Variants in PCMTD1 observed in about 807,000 individuals in gnomAD.
The protein encoded by PCMTD1 is protein-L-isoaspartate (D-aspartate) O-methyltransferase domain containing 1.
Under a neutral mutation model 37.6 loss-of-function variants are expected in PCMTD1, and 12 were observed. The ratio of observed to expected loss-of-function variants is 0.32; its 90% CI spans 0.20 to 0.52. The LOEUF (loss-of-function observed/expected upper bound fraction) is 0.52. PCMTD1 is among the 20% of genes least tolerant of loss of function. The pLI, the probability that PCMTD1 is intolerant of heterozygous loss-of-function variation, is 0.97. For synonymous variants in PCMTD1, 117 were observed against 135.8 expected (o/e 0.86, Z 0.96); for missense variants, 235 against 421.3 (o/e 0.56, Z 3.87).
At chr8:51,881,707 T>C (rs1483363099) in intron 1 of PCMTD1, among the ~76,000 whole-genome samples, 1 of 152,218 alleles carries the variant, frequency 6.6e-6, no homozygotes, top group Non-Finnish European at 1.5e-5. Context: ...GTAGGTTTTA[T>C]TATACCCATT....
At chr8:51,895,672 G>GA (rs148744383) in intron 1 of PCMTD1, among the ~76,000 whole-genome samples, 30,797 of 151,934 alleles carry the variant, frequency 0.2, 4,952 homozygotes, top group African/African-American at 0.44. Context: ...TTCAACAGCT[G>GA]AAAAAATCTT....
In PCMTD1 at chr8:51,819,217, G is replaced by A. The variant is rs1422894776; in HGVS notation, c.*1134C>T. 1 of 151,994 alleles carries A rather than the reference G, an allele frequency of 6.6e-6. No individual in the cohort carries two copies. Among genetic ancestry groups the A allele is most frequent in the East Asian group, 1.9e-4 (1 of 5,178 alleles). The allele number at this position is 151,994 out of a possible 1,614,324, so 9.4% of individuals were successfully genotyped here. A position where few individuals can be genotyped will look rare whatever the true frequency, so the allele number is the denominator to read the frequency against. On this transcript the variant is annotated 3_prime_UTR_variant, in exon 6 of 6. Transcript: ENST00000522514. ...TATGGGAAGGAGTGAAATGAACATG[G>A]CATAGGTCCCAAAGATTACACTATG...
intron 5 of PCMTD1, among the ~76,000 whole-genome samples, chr8:51,828,850 A>G (rs916943512): frequency 6.6e-6 from 1 of 152,216 alleles, no homozygotes; most frequent in Non-Finnish European, 1.5e-5. Context: ...GAGAATACCC[A>G]GTGATACCAG....
chr8:51,883,818 AC>A lies in PCMTD1; in HGVS notation c.-96+15111del, dbSNP rs1328127947. Among the ~76,000 whole-genome samples the A allele has an allele frequency of 3.9e-5, 6 of 152,174 alleles. No individual in the cohort carries two copies. The East Asian group carries it at 1.2e-3, about 29-fold the overall frequency. ...CGTATTATGTTGTTGACATTTAAAA[AC>A]CTCATTCCAGAACTTTAAAACCATT... On this transcript the variant is annotated intron_variant, in intron 1 of 5. Coordinates refer to ENST00000522514, the MANE Select transcript of PCMTD1 (RefSeq NM_052937.4).
chr8:51,840,717 T>G (rs1013476091), intron 3 of PCMTD1, among the ~76,000 whole-genome samples: 3 of 152,118 alleles, frequency 2.0e-5, no homozygotes, highest in Admixed American at 2.0e-4. Context: ...AAAATTAGGA[T>G]AGTAGATATG....
rs1372752094 is a variant in PCMTD1, at chr8:51,826,713, TG to T, written c.706+4730del. On this transcript the variant is annotated intron_variant, in intron 5 of 5. Transcript: ENST00000522514. The stretch of plus-strand genomic sequence containing the variant: ...GTTGAACCATATAAAACTAATGATT[TG>T]GGGGTCTTTTATGACCTTCAAAAAC... 3.3e-5 allele frequency among the ~76,000 whole-genome samples: 5 copies of T among 152,112 alleles called. No individual in the cohort carries two copies. The East Asian group carries it at 9.6e-4, about 29-fold the overall frequency.
chr8:51,824,503 CTCT>C (rs2037893233), intron 5 of PCMTD1, among the ~76,000 whole-genome samples: 1 of 152,108 alleles, frequency 6.6e-6, no homozygotes, highest in Non-Finnish European at 1.5e-5. Context: ...TGTGAAGGAC[CTCT>C]TCAAGGAGAA....
intron 1 of PCMTD1, among the ~76,000 whole-genome samples, chr8:51,868,302 A>T (rs947992938): frequency 5.9e-5 from 9 of 152,164 alleles, no homozygotes; most frequent in Admixed American, 1.3e-4. Context: ...CATGGGAGCT[A>T]AAACCTTATC....
chr8:51,869,107 T>G (rs752853916), intron 1 of PCMTD1, among the ~76,000 whole-genome samples: 11 of 152,156 alleles, frequency 7.2e-5, no homozygotes, highest in Non-Finnish European at 1.3e-4. Flanking sequence ...ATAATCAATA[T>G]TAGAATTGAT....
chr8:51,880,152 A>G (rs1024868836), intron 1 of PCMTD1, among the ~76,000 whole-genome samples: 1 of 152,112 alleles, frequency 6.6e-6, no homozygotes, highest in African/African-American at 2.4e-5. Flanking sequence ...GTGAGCTACA[A>G]TAGCACCACT....
At chr8:51,893,817 CAG>C (rs775696701) in intron 1 of PCMTD1, among the ~76,000 whole-genome samples, 2 of 152,004 alleles carry the variant, frequency 1.3e-5, no homozygotes, top group Admixed American at 6.6e-5. Context: ...GTGTGTGTGA[CAG>C]AGAGAGAGAA....
chr8:51,893,851 T>A (rs2038967027), intron 1 of PCMTD1, among the ~76,000 whole-genome samples: 1 of 152,200 alleles, frequency 6.6e-6, no homozygotes, highest in Admixed American at 6.5e-5. Context: ...ATATACTGCT[T>A]AAATACCAAT....
At position 51,818,409 on chromosome 8, in the gene PCMTD1, C is replaced by CAAAAAAAAAAAA. The variant is rs35041148; in HGVS notation, c.*1930_*1941dup. On this transcript the variant is annotated 3_prime_UTR_variant, in exon 6 of 6. Transcript: ENST00000522514. ...GCATCATCTAAACAGCAGCTCCAAC[C>CAAAAAAAAAAAA]AAAAAAAAAAAAAAAAACAAGCAGG... 1 of 138,066 alleles carries CAAAAAAAAAAAA rather than the reference C, an allele frequency of 7.2e-6. No individual in the cohort carries two copies. Among genetic ancestry groups the CAAAAAAAAAAAA allele is most frequent in the Non-Finnish European group, 1.6e-5 (1 of 63,810 alleles). 8.6% of individuals were successfully genotyped at this position (138,066 alleles called of 1,614,324 possible).
intron 4 of PCMTD1, among the ~76,000 whole-genome samples, chr8:51,832,052 G>T (rs768455451): frequency 5.3e-5 from 8 of 152,188 alleles, no homozygotes; most frequent in Non-Finnish European, 2.9e-5. Context: ...AAGAGACTAG[G>T]AGTTTTATCA....
chr8:51,826,986 A>G (rs1005985919), intron 5 of PCMTD1: 45 of 938,910 alleles, frequency 4.8e-5, no homozygotes, highest in Admixed American at 1.2e-4. Context: ...TACATTTGGC[A>G]AATAATTTAT....
chr8:51,892,903 CA>C (rs1471336310), intron 1 of PCMTD1, among the ~76,000 whole-genome samples: 1 of 152,056 alleles, frequency 6.6e-6, no homozygotes, highest in Non-Finnish European at 1.5e-5. Context: ...CTTCCCATCC[CA>C]GGGGGGAAAA....
chr8:51,839,053 T>C (rs1416987955), intron 3 of PCMTD1, among the ~76,000 whole-genome samples: 2 of 151,860 alleles, frequency 1.3e-5, no homozygotes, highest in Non-Finnish European at 2.9e-5. Context: ...TAAAATTTTA[T>C]GTTTGTAAGT....
chr8:51,829,775 C>T (rs1045624546), intron 5 of PCMTD1, among the ~76,000 whole-genome samples: 4 of 151,910 alleles, frequency 2.6e-5, no homozygotes, highest in African/African-American at 9.7e-5. Context: ...ATCGTAAAAA[C>T]AAAACAAAAC....
At chr8:51,893,804 C>G (rs1032995461) in intron 1 of PCMTD1, among the ~76,000 whole-genome samples, 69 of 152,240 alleles carry the variant, frequency 4.5e-4, no homozygotes, top group African/African-American at 1.6e-3. Flanking sequence ...CTCAAACAAG[C>G]TAGTGTGTGT....
Sources: gnomAD v4.1 joint callset for allele counts (sites outside exome capture counted in the v4.1 genomes callset) on GRCh38, gnomAD v4.1.1 for gene constraint, MANE v1.5 for transcripts, NCBI Gene and HGNC (gene_info 2026-07-23, HGNC 2026-07-21) for gene names.